The following MALRD1 variants were observed in gnomAD, a reference collection of about 807,000 sequenced individuals.
MALRD1 encodes MAM and LDL-receptor class A domain-containing protein 1.
MALRD1 carries 247 observed loss-of-function variants against 242.1 expected under a neutral mutation model. That is an observed-to-expected ratio of 1.02 (90% CI 0.92 to 1.13). The LOEUF (loss-of-function observed/expected upper bound fraction) is 1.13, where lower values mean the gene tolerates loss of function less well. Ranked by LOEUF, MALRD1 falls within the 50% of genes most tolerant of loss-of-function variation. The probability of loss-of-function intolerance (pLI) is 0.00; values close to 1 mark genes in which losing one functional copy is unlikely to be tolerated. For synonymous variants in MALRD1, 995 were observed against 866.6 expected (o/e 1.15, Z -2.60); for missense variants, 2,989 against 2,533.1 (o/e 1.18, Z -3.86).
At chr10:19,526,038 A>G (rs891451822) in intron 31 of MALRD1, among the ~76,000 whole-genome samples, 1 of 152,174 alleles carries the variant, frequency 6.6e-6, no homozygotes, top group African/African-American at 2.4e-5. Context: ...AATTCTAAAT[A>G]TGCTGTGGCA....
chr10:19,378,458 CAA>C (rs991934649), intron 26 of MALRD1, among the ~76,000 whole-genome samples: 6 of 152,094 alleles, frequency 3.9e-5, no homozygotes, highest in African/African-American at 1.4e-4. Flanking sequence ...TCTGCACCAG[CAA>C]AGTCTTAAGA....
At chr10:19,072,912 TC>T (rs869135919) in intron 2 of MALRD1, among the ~76,000 whole-genome samples, 1 of 151,556 alleles carries the variant, frequency 6.6e-6, no homozygotes, top group Non-Finnish European at 1.5e-5. Flanking sequence ...TCACTTACCT[TC>T]CCCCCCTTTT....
chr10:19,511,021 A>G (rs1005490374), intron 31 of MALRD1, among the ~76,000 whole-genome samples: 1 of 152,200 alleles, frequency 6.6e-6, no homozygotes, highest in East Asian at 1.9e-4. Flanking sequence ...AGAGAATTTA[A>G]AGAAATGTAC....
At chr10:19,449,594 A>G (rs1835206188) in intron 28 of MALRD1, among the ~76,000 whole-genome samples, 3 of 152,352 alleles carry the variant, frequency 2.0e-5, no homozygotes, top group African/African-American at 7.2e-5. Context: ...ATATAGATAA[A>G]AATCTCTAAA....
chr10:19,388,211 T>A (rs1190368356), intron 27 of MALRD1, among the ~76,000 whole-genome samples: 2 of 152,170 alleles, frequency 1.3e-5, no homozygotes, highest in Admixed American at 1.3e-4. Flanking sequence ...TCATATTGGA[T>A]TAGTGTCCAT....
At chr10:19,128,166 G>C (rs73591925) in intron 7 of MALRD1, 55 bp from the exon 8 acceptor site, 94,163 of 1,171,156 alleles carry the variant, frequency 0.08, 4,145 homozygotes, top group African/African-American at 0.13. Flanking sequence ...GTTTTAGTCA[G>C]ACAGAAAGAA....
intron 18 of MALRD1, among the ~76,000 whole-genome samples, chr10:19,256,562 G>A (rs776456486): frequency 6.6e-6 from 1 of 152,000 alleles, no homozygotes; most frequent in Admixed American, 6.6e-5. Flanking sequence ...AACAATGTCA[G>A]GGGGACTATA....
chr10:19,181,051 A>T (rs536815613), intron 14 of MALRD1, among the ~76,000 whole-genome samples: 11 of 106,962 alleles, frequency 1.0e-4, no homozygotes, highest in East Asian at 5.3e-4. Context: ...AGCTATAATT[A>T]AAAAAAAGCG....
At chr10:19,684,749 C>T (rs191659985) in intron 36 of MALRD1, among the ~76,000 whole-genome samples, 1 of 152,218 alleles carries the variant, frequency 6.6e-6, no homozygotes, top group East Asian at 1.9e-4. Context: ...AAGACTCTAA[C>T]TCAAAAACAA....
At chr10:19,270,360 A>G (rs1840170053) in intron 19 of MALRD1, among the ~76,000 whole-genome samples, 1 of 151,176 alleles carries the variant, frequency 6.6e-6, no homozygotes, top group African/African-American at 2.4e-5. Context: ...ACACACACAC[A>G]CACACACACA....
At chr10:19,183,056 G>C (rs1284230297) in intron 14 of MALRD1, among the ~76,000 whole-genome samples, 1 of 150,862 alleles carries the variant, frequency 6.6e-6, no homozygotes. Context: ...CACCCTCATA[G>C]GGAATTGAAT....
chr10:19,475,655 A>G (rs575513093), intron 29 of MALRD1, among the ~76,000 whole-genome samples: 1 of 152,328 alleles, frequency 6.6e-6, no homozygotes, highest in Non-Finnish European at 1.5e-5. Context: ...AAAGGGTCAA[A>G]GACAATATTA....
intron 28 of MALRD1, among the ~76,000 whole-genome samples, chr10:19,400,120 C>G (rs1771511374): frequency 6.6e-6 from 1 of 152,162 alleles, no homozygotes; most frequent in South Asian, 2.1e-4. Flanking sequence ...ACACTGTCTA[C>G]TATCATGGAG....
intron 10 of MALRD1, among the ~76,000 whole-genome samples, chr10:19,140,231 C>A (rs1427101421): frequency 6.6e-6 from 1 of 152,066 alleles, no homozygotes; most frequent in Non-Finnish European, 1.5e-5. Flanking sequence ...TTTTCATGAT[C>A]CAGAATTTTT....
At chr10:19,364,911 C>T (rs1474500129) in intron 26 of MALRD1, among the ~76,000 whole-genome samples, 2 of 152,058 alleles carry the variant, frequency 1.3e-5, no homozygotes, top group Non-Finnish European at 2.9e-5. Context: ...TCTTTGATTT[C>T]TTTGGAAAGA....
At chr10:19,460,088 C>G (rs10764020) in intron 29 of MALRD1, among the ~76,000 whole-genome samples, 1 of 151,878 alleles carries the variant, frequency 6.6e-6, no homozygotes, top group Non-Finnish European at 1.5e-5. Context: ...ATGGTGTTTC[C>G]ATTTTTACTG....
chr10:19,050,378 C>G (rs1366485080), intron 1 of MALRD1, among the ~76,000 whole-genome samples: 1 of 150,434 alleles, frequency 6.6e-6, no homozygotes, highest in Admixed American at 6.6e-5. Context: ...TGAGCCACCG[C>G]GCCCGGCCTT....
chr10:19,438,685 ATGTCAGTGTG>A (rs1473386869), intron 28 of MALRD1, among the ~76,000 whole-genome samples: 1 of 152,122 alleles, frequency 6.6e-6, no homozygotes, highest in Non-Finnish European at 1.5e-5. Context: ...TATAGTAGCC[ATGTCAGTGTG>A]TGTGAAATAG....
chr10:19,537,922 G>A (rs1038393074), intron 32 of MALRD1, among the ~76,000 whole-genome samples: 4 of 152,076 alleles, frequency 2.6e-5, no homozygotes, highest in Non-Finnish European at 5.9e-5. Context: ...CAGAAGTCCA[G>A]GGCAACAAAG....
Sources: allele counts gnomAD v4.1 joint callset (sites outside exome capture counted in the v4.1 genomes callset), GRCh38; gene constraint gnomAD v4.1.1; transcripts MANE v1.5; gene names NCBI Gene and HGNC (gene_info 2026-07-23, HGNC 2026-07-21).